SYCP2: variants seen among roughly 807,000 people sequenced by gnomAD.
SYCP2 encodes the protein synaptonemal complex protein 2, also known as synaptonemal complex lateral element protein.
Under a neutral mutation model 211.3 loss-of-function variants are expected in SYCP2, and 55 were observed. The ratio of observed to expected loss-of-function variants is 0.26; its 90% CI spans 0.21 to 0.33. SYCP2 has a LOEUF of 0.33. Ranked by LOEUF, SYCP2 falls within the 10% of genes least tolerant of loss-of-function variation. SYCP2 has a pLI of 1.00. For missense variants in SYCP2, 1,731 were observed against 1,752.0 expected (o/e 0.99, Z 0.21); for synonymous variants, 570 against 555.2 (o/e 1.03, Z -0.37).
chr20:59,864,441 A>C, intron 44 of SYCP2, 53 bp from the exon 45 acceptor site: 1 of 1,244,530 alleles, frequency 8.0e-7, no homozygotes, highest in Non-Finnish European at 1.1e-6. Flanking sequence ...TCGCTGTAAA[A>C]CCACCAAATA....
chr20:59,927,355 T>C (rs2060652344), intron 2 of SYCP2, among the ~76,000 whole-genome samples: 1 of 152,128 alleles, frequency 6.6e-6, no homozygotes, highest in Non-Finnish European at 1.5e-5. Flanking sequence ...TCTTTATGTA[T>C]TGCCAAATAC....
intron 17 of SYCP2, among the ~76,000 whole-genome samples, 173 bp from the exon 18 acceptor site, chr20:59,900,457 T>TC (rs2145777784): frequency 6.6e-6 from 1 of 152,240 alleles, no homozygotes; most frequent in Non-Finnish European, 1.5e-5. Flanking sequence ...ATCCATTTTT[T>TC]CAAACTCTAA....
chr20:59,883,408 T>C (rs909386712), intron 26 of SYCP2, among the ~76,000 whole-genome samples: 21 of 152,094 alleles, frequency 1.4e-4, no homozygotes, highest in African/African-American at 4.6e-4. Flanking sequence ...ATTGCAGTAG[T>C]ATTTATAATA....
intron 5 of SYCP2, among the ~76,000 whole-genome samples, 195 bp from the exon 6 acceptor site, chr20:59,919,792 G>A (rs2060507522): frequency 6.6e-6 from 1 of 151,296 alleles, no homozygotes; most frequent in South Asian, 2.1e-4. Flanking sequence ...TGTTTAAAAT[G>A]GGAATAGATG....
intron 35 of SYCP2, among the ~76,000 whole-genome samples, chr20:59,871,689 T>G (rs1176234831): frequency 6.6e-6 from 1 of 151,940 alleles, no homozygotes; most frequent in East Asian, 1.9e-4. Flanking sequence ...TGATATAAAA[T>G]GGTTCAGTAT....
chr20:59,865,990 A>T (rs1312821669), intron 41 of SYCP2, 125 bp from the exon 42 acceptor site: 1 of 452,798 alleles, frequency 2.2e-6, no homozygotes, highest in African/African-American at 2.0e-5. Flanking sequence ...CTATTATTAC[A>T]AATTTAAATA....
In SYCP2 at chr20:59,915,502, G is replaced by T; in HGVS notation, c.562C>A (p.Arg188=). The T allele has an allele frequency of 6.2e-7, 1 of 1,610,112 alleles. No homozygotes were observed. The highest frequency in any genetic ancestry group is 8.5e-7 in the Non-Finnish European group (1 of 1,176,886). The change falls in exon 9 of 45, where the codon CGG becomes AGG. Residue 188 remains arginine, a synonymous_variant. Coordinates refer to ENST00000357552, the MANE Select transcript of SYCP2 (RefSeq NM_014258.4). ...ATTTCTTGGTTAGAGAGTATTTTCC[G>T]GGCATCTTGAGGCATTTTGTCAAGC... ...AMLDKMPQDA[R]KILSNQEMLI...
intron 8 of SYCP2, among the ~76,000 whole-genome samples, chr20:59,916,277 T>C (rs1213697658): frequency 6.6e-6 from 1 of 152,194 alleles, no homozygotes; most frequent in Non-Finnish European, 1.5e-5. Context: ...GTATAATTTA[T>C]TTCCACTTGA....
At chr20:59,912,450 A>G (rs1186970701) in intron 12 of SYCP2, 32 bp from the exon 13 acceptor site, 1 of 853,120 alleles carries the variant, frequency 1.2e-6, no homozygotes, top group East Asian at 3.1e-5. Flanking sequence ...GAAAAAAATA[A>G]ATAAGCTTTC....
chr20:59,876,195 AC>A (rs1313052340), intron 33 of SYCP2, among the ~76,000 whole-genome samples: 1 of 151,428 alleles, frequency 6.6e-6, no homozygotes, highest in Non-Finnish European at 1.5e-5. Context: ...ACATGGTGAA[AC>A]CCAGTCTCTA....
In SYCP2 at chr20:59,869,794, T is replaced by G; in HGVS notation, c.3741+4A>C. Reference sequence around the variant, plus strand: ...AAATTTATAAGTTATAGTCCCACACTTACCTCTCTTTTGCTTTGTATATAA... The same window carrying G: ...AAATTTATAAGTTATAGTCCCACACGTACCTCTCTTTTGCTTTGTATATAA... On this transcript the variant is annotated splice_donor_region_variant and intron_variant, in intron 36 of 44. Transcript: ENST00000357552. 1.1e-5 allele frequency: 17 copies of G among 1,584,896 alleles called. No homozygotes were observed. Among genetic ancestry groups the G allele is most frequent in the Non-Finnish European group, 1.5e-5 (17 of 1,158,264 alleles).
chr20:59,919,458 T>C (rs779876471), intron 6 of SYCP2, 35 bp downstream of exon 6: 45 of 1,402,044 alleles, frequency 3.2e-5, no homozygotes, highest in Non-Finnish European at 4.4e-5. Context: ...AAACACATGC[T>C]TTATAAATAT....
chr20:59,894,576 T>C (rs1337778418), intron 20 of SYCP2, among the ~76,000 whole-genome samples: 4 of 152,006 alleles, frequency 2.6e-5, no homozygotes, highest in Non-Finnish European at 5.9e-5. Context: ...ATTGTACATA[T>C]TTATGAACAT....
At chr20:59,874,841 C>T (rs747071827) in intron 34 of SYCP2, among the ~76,000 whole-genome samples, 17 of 151,892 alleles carry the variant, frequency 1.1e-4, no homozygotes, top group South Asian at 2.1e-4. Flanking sequence ...CAACTGTATA[C>T]GGTATTAATC....
intron 24 of SYCP2, among the ~76,000 whole-genome samples, chr20:59,891,308 T>G (rs747097383): frequency 1.3e-5 from 2 of 151,994 alleles, no homozygotes; most frequent in African/African-American, 2.4e-5. Context: ...TGCATTTTGA[T>G]AGTTAAGAAA....
chr20:59,908,656 C>T (rs1317440265), intron 14 of SYCP2, among the ~76,000 whole-genome samples: 25 of 152,136 alleles, frequency 1.6e-4, no homozygotes, highest in Non-Finnish European at 2.9e-4. Flanking sequence ...TGGCAATTTT[C>T]AAACAGATTT....
At chr20:59,885,859 A>G in intron 26 of SYCP2, 69 bp downstream of exon 26, 1 of 1,168,130 alleles carries the variant, frequency 8.6e-7, no homozygotes, top group Non-Finnish European at 1.3e-6. Flanking sequence ...CCACTATGCT[A>G]TTTTAGTGTT....
At chr20:59,913,714 T>G (rs891451830) in intron 12 of SYCP2, among the ~76,000 whole-genome samples, 12 of 152,096 alleles carry the variant, frequency 7.9e-5, no homozygotes, top group African/African-American at 2.9e-4. Flanking sequence ...AAGTTATTAA[T>G]TAATATGAAT....
intron 25 of SYCP2, among the ~76,000 whole-genome samples, chr20:59,886,272 AATAGACT>A (rs2059785828): frequency 1.3e-5 from 2 of 152,042 alleles, no homozygotes; most frequent in Non-Finnish European, 2.9e-5. Context: ...TTAACCACCT[AATAGACT>A]ATAAATAGAC....
Sources: gnomAD v4.1 joint callset for allele counts (sites outside exome capture counted in the v4.1 genomes callset) on GRCh38, gnomAD v4.1.1 for gene constraint, MANE v1.5 for transcripts, NCBI Gene and HGNC (gene_info 2026-07-23, HGNC 2026-07-21) for gene names.